The following DSC2 variants were observed in gnomAD, a reference collection of about 807,000 sequenced individuals.
DSC2 encodes the protein desmocollin-2.
DSC2 carries 51 observed loss-of-function variants against 87.6 expected under a neutral mutation model. The ratio of observed to expected loss-of-function variants is 0.58; its 90% CI spans 0.46 to 0.74. The LOEUF (loss-of-function observed/expected upper bound fraction) is 0.74. Among genes scored for constraint, DSC2 ranks in the 30% least tolerant of loss-of-function variants. The probability of loss-of-function intolerance (pLI) is 0.00; values close to 1 mark genes in which losing one functional copy is unlikely to be tolerated. For missense variants in DSC2, 1,066 were observed against 1,089.5 expected (o/e 0.98, Z 0.30); for synonymous variants, 383 against 393.2 (o/e 0.97, Z 0.31).
At chr18:31,070,666 G>GGAAT in intron 14 of DSC2, 60 bp downstream of exon 14, 1 of 1,606,200 alleles carries the variant, frequency 6.2e-7, no homozygotes, top group East Asian at 2.2e-5. Flanking sequence ...CATTTTAGAA[G>GGAAT]GAATACGCAT....
intron 2 of DSC2, among the ~76,000 whole-genome samples, 187 bp from the exon 3 acceptor site, chr18:31,092,487 T>C (rs1987635718): frequency 1.3e-5 from 2 of 152,226 alleles, no homozygotes; most frequent in African/African-American, 4.8e-5. Flanking sequence ...TCACTTCTAA[T>C]ACCTACTTAA....
chr18:31,074,080 G>C (rs182463011), intron 12 of DSC2, among the ~76,000 whole-genome samples: 1 of 152,268 alleles, frequency 6.6e-6, no homozygotes, highest in East Asian at 1.9e-4. Flanking sequence ...GAGAGAATAG[G>C]GGATCGATTC....
chr18:31,097,834 C>T (rs532161045), intron 1 of DSC2, among the ~76,000 whole-genome samples: 2 of 151,888 alleles, frequency 1.3e-5, no homozygotes, highest in East Asian at 1.9e-4. Flanking sequence ...TTGCCTACAT[C>T]GCACGTTGTT....
At chr18:31,084,785 T>C (rs1055552948) in intron 7 of DSC2, among the ~76,000 whole-genome samples, 14 of 152,122 alleles carry the variant, frequency 9.2e-5, no homozygotes, top group Non-Finnish European at 1.6e-4. Context: ...GGAAAACAAC[T>C]ATTTGTTGCC....
intron 12 of DSC2, among the ~76,000 whole-genome samples, chr18:31,072,628 A>G (rs1018106668): frequency 6.6e-6 from 1 of 152,206 alleles, no homozygotes; most frequent in African/African-American, 2.4e-5. Flanking sequence ...AGAAGAAAAA[A>G]ACAATAAAAA....
chr18:31,068,753 A>C, intron 15 of DSC2, 141 bp downstream of exon 15: 2 of 1,183,608 alleles, frequency 1.7e-6, no homozygotes, highest in Non-Finnish European at 2.4e-6. Flanking sequence ...ACTAAATTAA[A>C]ATTGAGGAAA....
intron 11 of DSC2, among the ~76,000 whole-genome samples, chr18:31,077,233 T>A (rs1987052268): frequency 6.6e-6 from 1 of 152,228 alleles, no homozygotes; most frequent in Admixed American, 6.5e-5. Flanking sequence ...ATTTCATGTA[T>A]CTGGCATATG....
Position 31,080,363 on chromosome 18 carries a change from A to G in DSC2, c.1264-11T>C. On this transcript the variant is annotated splice_polypyrimidine_tract_variant and intron_variant, in intron 9 of 15. Transcript: ENST00000280904. ...TTCATAATTCAAAGGCTACGAAAGC[A>G]AATGTATTGAAAAATCAGATGAACT... The G allele has an allele frequency of 1.9e-6, 3 of 1,613,098 alleles. No homozygotes were observed. Among genetic ancestry groups the G allele is most frequent in the Non-Finnish European group, 8.5e-7 (1 of 1,179,494 alleles).
At chr18:31,101,252 C>T in intron 1 of DSC2, 1 of 985,252 alleles carries the variant, frequency 1.0e-6, no homozygotes, top group Non-Finnish European at 1.2e-6. Flanking sequence ...TCCTCAGGAG[C>T]AAAGGGTCAA....
At chr18:31,101,089 G>T in intron 1 of DSC2, 1 of 639,552 alleles carries the variant, frequency 1.6e-6, no homozygotes, top group Non-Finnish European at 1.9e-6. Context: ...GTGGCGCGGG[G>T]GGCGGGTGGT....
chr18:31,058,982 T>C lies in DSC2; in HGVS notation c.*9033A>G, dbSNP rs1291879188. The C allele has an allele frequency of 6.6e-6, 1 of 152,152 alleles. No homozygotes were observed. The highest frequency in any genetic ancestry group is 1.5e-5 in the Non-Finnish European group (1 of 68,038). The allele number at this position is 152,152 out of a possible 1,614,324, so 9.4% of individuals were successfully genotyped here. ...AACACCGAACATTTACATAGAACTATGTTCTAGCAATTTTTTAAAGCAGAT... is the reference window on the plus strand; with the variant it reads ...AACACCGAACATTTACATAGAACTACGTTCTAGCAATTTTTTAAAGCAGAT... On this transcript the variant is annotated 3_prime_UTR_variant, in exon 16 of 16. Coordinates refer to ENST00000280904, the MANE Select transcript of DSC2 (RefSeq NM_024422.6).
chr18:31,070,809 T>C lies in DSC2; in HGVS notation c.2167A>G (p.Lys723Glu). Residue 723 changes from lysine (K) to glutamate (E), a missense_variant, in exon 14 of 16, where the codon AAA (lysine) becomes GAA (glutamate). Lys to Glu is a moderately conservative substitution (Grantham distance 56, BLOSUM62 1). Coordinates refer to ENST00000280904, the MANE Select transcript of DSC2 (RefSeq NM_024422.6). ...TCATCAGGAATTACTTTTGGTTGTT[T>C]AGACGTCCCAGAAGCCCCACAGACC... ...TLVCGASGTS[K>E]QPKVIPDDLA... 1 of 1,613,986 alleles carries C rather than the reference T, an allele frequency of 6.2e-7. No homozygotes were observed. Among genetic ancestry groups the C allele is most frequent in the Non-Finnish European group, 8.5e-7 (1 of 1,179,896 alleles).
chr18:31,083,522 C>A (rs930025269), intron 7 of DSC2, among the ~76,000 whole-genome samples: 5 of 151,808 alleles, frequency 3.3e-5, no homozygotes, highest in Non-Finnish European at 5.9e-5. Context: ...AAACCTTTAT[C>A]TCCTAGCCAA....
chr18:31,094,427 A>C, intron 1 of DSC2, among the ~76,000 whole-genome samples: 1 of 152,202 alleles, frequency 6.6e-6, no homozygotes, highest in East Asian at 1.9e-4. Context: ...TTAGAAAATA[A>C]TTTACTTAAA....
intron 14 of DSC2, among the ~76,000 whole-genome samples, chr18:31,070,242 C>T (rs1476905799): frequency 6.6e-6 from 1 of 152,114 alleles, no homozygotes; most frequent in Non-Finnish European, 1.5e-5. Context: ...TGACCACTTG[C>T]TAGCATTGCT....
In DSC2 at chr18:31,071,644, C is replaced by T. The variant is rs1986831187; in HGVS notation, c.2086G>A (p.Ala696Thr). 2 of 1,614,050 alleles carry T rather than the reference C, an allele frequency of 1.2e-6. No individual in the cohort carries two copies. The highest frequency in any genetic ancestry group is 8.5e-7 in the Non-Finnish European group (1 of 1,179,978). The stretch of plus-strand genomic sequence containing the variant: ...ATGCCCAACAATATTGCAAGGATGG[C>T]CCACTTTCCAAGTTGTACTCCTCCA... Reference protein sequence around the residue: ...GGGGVQLGKWAILAILLGIAL... With the variant: ...GGGGVQLGKWTILAILLGIAL... The change falls in exon 13 of 16, where the codon GCC becomes ACC. Residue 696 changes from alanine to threonine, a missense_variant. Coordinates refer to ENST00000280904, the MANE Select transcript of DSC2 (RefSeq NM_024422.6).
chr18:31,086,751 G>GA lies in DSC2; in HGVS notation c.776-10dup, dbSNP rs1987414584. 1.9e-6 allele frequency: 3 copies of GA among 1,613,384 alleles called. No individual in the cohort carries two copies. On this transcript the variant is annotated splice_polypyrimidine_tract_variant and intron_variant, in intron 6 of 15. Coordinates refer to ENST00000280904, the MANE Select transcript of DSC2 (RefSeq NM_024422.6). ...TTGTCCCACAGTAGTGCCTAGAGAAGAAAAGTCCTTTTTAATCTCCAAAAC... is the reference window on the plus strand; with the variant it reads ...TTGTCCCACAGTAGTGCCTAGAGAAGAAAAAGTCCTTTTTAATCTCCAAAAC...
At chr18:31,068,323 G>C in intron 15 of DSC2, 111 bp from the exon 16 acceptor site, 1 of 1,613,282 alleles carries the variant, frequency 6.2e-7, no homozygotes, top group South Asian at 1.1e-5. Context: ...TTTTTAATCA[G>C]AGTGTGTCCT....
chr18:31,100,776 T>C (rs979325774), intron 1 of DSC2, among the ~76,000 whole-genome samples: 1 of 152,200 alleles, frequency 6.6e-6, no homozygotes, highest in East Asian at 1.9e-4. Context: ...TCAAGATTGA[T>C]TGGCGCCCAA....
Sources: gnomAD v4.1 joint callset for allele counts (sites outside exome capture counted in the v4.1 genomes callset) on GRCh38, gnomAD v4.1.1 for gene constraint, MANE v1.5 for transcripts, NCBI Gene and HGNC (gene_info 2026-07-23, HGNC 2026-07-21) for gene names.